The following YJU2 variants were observed in gnomAD, a reference collection of about 807,000 sequenced individuals.
YJU2 encodes splicing factor YJU2.
YJU2 carries 28 observed loss-of-function variants against 39.6 expected under a neutral mutation model. The observed-to-expected ratio is 0.71, with a 90% CI of 0.52 to 0.97. YJU2 has a LOEUF of 0.97. Among genes scored for constraint, YJU2 ranks in the 50% least tolerant of loss-of-function variants. The probability of loss-of-function intolerance (pLI) is 0.00; values close to 1 mark genes in which losing one functional copy is unlikely to be tolerated. For synonymous variants in YJU2, 184 were observed against 182.4 expected, an observed-to-expected ratio of 1.01 and a Z score of -0.07; for missense variants, 328 against 430.4, an observed-to-expected ratio of 0.76 and a Z score of 2.11.
intron 5 of YJU2, among the ~76,000 whole-genome samples, chr19:4,260,461 G>A (rs926787258): frequency 6.6e-6 from 1 of 151,618 alleles, no homozygotes; most frequent in African/African-American, 2.4e-5. Context: ...GACTAGGTGC[G>A]GTCGGTGGCT....
At position 4,251,259 on chromosome 19, in the gene YJU2, C is replaced by T; in HGVS notation, c.270+88C>T. The T allele has an allele frequency of 2.4e-6, 3 of 1,259,234 alleles. No individual in the cohort carries two copies. The Admixed American group carries it at 6.0e-5, about 25-fold the overall frequency. The allele number at this position is 1,259,234 out of a possible 1,614,324, so 78.0% of individuals were successfully genotyped here. A position where few individuals can be genotyped will look rare whatever the true frequency, so the allele number is the denominator to read the frequency against. On this transcript the variant is annotated intron_variant, in intron 3 of 7. Transcript: ENST00000262962. ...CCTGGGGTTCCTTAACTCCAATCCT[C>T]TCCATCCAGGGAATCTCATTTCAGT... is the stretch of plus-strand genomic sequence containing the variant.
At chr19:4,262,527 C>G (rs35397646) in intron 6 of YJU2, among the ~76,000 whole-genome samples, 3 of 152,092 alleles carry the variant, frequency 2.0e-5, no homozygotes, top group Admixed American at 6.6e-5. Flanking sequence ...AAAGGCCAGT[C>G]TGCACCCTAA....
intron 3 of YJU2, among the ~76,000 whole-genome samples, chr19:4,252,879 T>C (rs1380884573): frequency 6.6e-6 from 1 of 152,098 alleles, no homozygotes; most frequent in African/African-American, 2.4e-5. Flanking sequence ...TGAGCCATGA[T>C]TTCACTGCTA....
intron 1 of YJU2, 30 bp downstream of exon 1, chr19:4,247,200 T>C (rs1431611509): frequency 1.2e-6 from 2 of 1,608,968 alleles, no homozygotes; most frequent in East Asian, 4.5e-5. Flanking sequence ...GGCTTTTCAA[T>C]CGGAGCAGGA....
In YJU2 at chr19:4,268,620, C is replaced by G. The variant is rs535461635; in HGVS notation, c.896C>G (p.Pro299Arg). 6.2e-7 allele frequency: 1 copy of G among 1,613,644 alleles called. No individual in the cohort carries two copies. The highest frequency in any genetic ancestry group is 2.2e-5 in the East Asian group (1 of 44,858). ...AACAGGAAGGAGGCCAACCCTACAC[C>G]CCTGACGCCTGGCGCGTCCTCCCTG... Reference protein sequence around the residue: ...PQNRKEANPTPLTPGASSLSQ... With the variant: ...PQNRKEANPTRLTPGASSLSQ... Residue 299 changes from proline to arginine, a missense_variant, in exon 8 of 8, where the codon CCC becomes CGC. Transcript: ENST00000262962.
intron 5 of YJU2, among the ~76,000 whole-genome samples, chr19:4,258,822 G>C (rs1296859739): frequency 6.6e-6 from 1 of 152,174 alleles, no homozygotes; most frequent in Non-Finnish European, 1.5e-5. Context: ...TAGAGACCCA[G>C]CGTGGGGTTC....
chr19:4,255,310 A>T (rs531127473), intron 4 of YJU2, among the ~76,000 whole-genome samples: 1 of 152,244 alleles, frequency 6.6e-6, no homozygotes, highest in African/African-American at 2.4e-5. Context: ...GGAGCCATGC[A>T]TGGTGGCTTG....
intron 3 of YJU2, among the ~76,000 whole-genome samples, chr19:4,253,410 C>G (rs1482125581): frequency 6.6e-6 from 1 of 152,002 alleles, no homozygotes; most frequent in Non-Finnish European, 1.5e-5. Context: ...AACCCTGTCT[C>G]TACCAAAAAG....
intron 4 of YJU2, among the ~76,000 whole-genome samples, chr19:4,254,715 TCCTAGACCAG>T (rs1330480631): frequency 7.4e-5 from 11 of 148,632 alleles, no homozygotes; most frequent in Non-Finnish European, 1.5e-5. Context: ...AGGTCAGGAG[TCCTAGACCAG>T]CCTGGCCAAT....
At chr19:4,257,889 C>T (rs1971034760) in intron 4 of YJU2, among the ~76,000 whole-genome samples, 1 of 152,194 alleles carries the variant, frequency 6.6e-6, no homozygotes, top group Admixed American at 6.6e-5. Flanking sequence ...AGACGTGAGC[C>T]ACTGTGCCTG....
At chr19:4,262,144 C>T (rs1971076485) in intron 6 of YJU2, 30 bp downstream of exon 6, 1 of 1,577,070 alleles carries the variant, frequency 6.3e-7, no homozygotes, top group African/African-American at 1.4e-5. Flanking sequence ...CCTGGGGGCT[C>T]CCAGGTGAAC....
rs139996847 is a variant in YJU2 at position 4,258,202 on chromosome 19, G to A, written c.406-40G>A. 2,350 of 1,543,580 alleles carry A rather than the reference G, an allele frequency of 1.5e-3. 2 individuals are homozygous for A. The highest frequency in any genetic ancestry group is 2.7e-3 in the Admixed American group (137 of 50,538). ...CCAGACAGGGTTTGCCCCGTGGTGC[G>A]ATCCCCATGCACTCAGCCCCGCCGC... On this transcript the variant is annotated intron_variant, in intron 4 of 7. Coordinates refer to ENST00000262962, the MANE Select transcript of YJU2 (RefSeq NM_018074.6).
rs371259060 is a variant in YJU2 at position 4,268,685 on chromosome 19, G to A, written c.961G>A (p.Gly321Ser). ...ATACCTGGACAGTGACGACAGCAACGGCAGCAACTGAGCCCTCCCAGGACC... is the reference window on the plus strand; with the variant it reads ...ATACCTGGACAGTGACGACAGCAACAGCAGCAACTGAGCCCTCCCAGGACC... ...GAYLDSDDSN[G>S]SN Residue 321 changes from glycine to serine, a missense_variant, in exon 8 of 8, where the codon GGC becomes AGC. This residue lies in a region of YJU2 where 244 missense variants were observed against 264.6 expected (regional missense o/e 0.92). Transcript: ENST00000262962. 3.2e-5 allele frequency: 52 copies of A among 1,612,618 alleles called. No homozygotes were observed. In the African/African-American group the frequency reaches 3.6e-4, roughly 11 times the overall value.
intron 5 of YJU2, among the ~76,000 whole-genome samples, chr19:4,260,963 A>G (rs533850036): frequency 5.0e-4 from 76 of 152,134 alleles, no homozygotes; most frequent in Non-Finnish European, 9.4e-4. Context: ...TCAGAGGAAG[A>G]GCGTCTTGCA....
At chr19:4,261,451 A>T (rs1971069889) in intron 5 of YJU2, among the ~76,000 whole-genome samples, 1 of 152,024 alleles carries the variant, frequency 6.6e-6, no homozygotes. Flanking sequence ...AGATCACGCC[A>T]CTGCACTCCA....
At position 4,268,812 on chromosome 19, in the gene YJU2, A is replaced by G; in HGVS notation, c.*116A>G. The G allele has an allele frequency of 1.4e-6, 1 of 740,684 alleles. No individual in the cohort carries two copies. The highest frequency in any genetic ancestry group is 2.3e-6 in the Non-Finnish European group (1 of 440,330). The allele number at this position is 740,684 out of a possible 1,614,324, so 45.9% of individuals were successfully genotyped here. On this transcript the variant is annotated 3_prime_UTR_variant, in exon 8 of 8. Transcript: ENST00000262962. ...CTTGGCGTGACTGGAGGCCGGACAGACAAGCGCCAGCGTGCTCCAACACAT... is the reference window on the plus strand; with the variant it reads ...CTTGGCGTGACTGGAGGCCGGACAGGCAAGCGCCAGCGTGCTCCAACACAT...
rs144896215 is a variant in YJU2 at position 4,267,632 on chromosome 19, G to A, written c.717G>A (p.Lys239=). 2.3e-4 allele frequency: 368 copies of A among 1,612,804 alleles called. No homozygotes were observed. The highest frequency in any genetic ancestry group is 2.9e-4 in the Non-Finnish European group (341 of 1,179,804). Reference sequence around the variant, plus strand: ...GTCCCCATCACCTGCAGGCCCCAAAGCCCAAGAGGAAGGTGGAGGTCTGGG... The same window carrying A: ...GTCCCCATCACCTGCAGGCCCCAAAACCCAAGAGGAAGGTGGAGGTCTGGG... ...NPTAILDEAP[K]PKRKVEVWEQ... Residue 239 remains lysine, a synonymous_variant, in exon 7 of 8, where the codon AAG becomes AAA. Transcript: ENST00000262962.
chr19:4,258,536 C>A (rs974247541), intron 5 of YJU2, 113 bp downstream of exon 5: 2 of 1,411,726 alleles, frequency 1.4e-6, no homozygotes, highest in Non-Finnish European at 1.9e-6. Context: ...TGCAAGGACC[C>A]CTTTCCCACC....
chr19:4,261,770 A>C (rs1418567736), intron 5 of YJU2, among the ~76,000 whole-genome samples: 1 of 152,024 alleles, frequency 6.6e-6, no homozygotes, highest in African/African-American at 2.4e-5. Context: ...TTGAGGTTGC[A>C]GTGAGCTGTG....
Sources: allele counts gnomAD v4.1 joint callset (sites outside exome capture counted in the v4.1 genomes callset), GRCh38; gene constraint gnomAD v4.1.1; regional missense constraint gnomAD v4.1.1; transcripts MANE v1.5; gene names NCBI Gene and HGNC (gene_info 2026-07-23, HGNC 2026-07-21).